Variants in UBAC2 observed in about 807,000 individuals in gnomAD.
UBAC2 encodes the protein ubiquitin-associated domain-containing protein 2.
Under a neutral mutation model 44.0 loss-of-function variants are expected in UBAC2, and 26 were observed. The observed-to-expected ratio is 0.59, with a 90% CI of 0.43 to 0.82. The LOEUF is 0.82. Among genes scored for constraint, UBAC2 ranks in the 40% least tolerant of loss-of-function variants. UBAC2 has a pLI of 0.00. For missense variants in UBAC2, 329 were observed against 419.4 expected (o/e 0.78, Z 1.88); for synonymous variants, 155 against 154.3 (o/e 1.00, Z -0.04).
chr13:99,300,969 A>ATGTT (rs1422525083), intron 4 of UBAC2, among the ~76,000 whole-genome samples: 2 of 152,226 alleles, frequency 1.3e-5, no homozygotes, highest in African/African-American at 2.4e-5. Flanking sequence ...AGCTTCTGAC[A>ATGTT]TGTTATTTAA....
chr13:99,241,080 A>G (rs1186594693), intron 2 of UBAC2, among the ~76,000 whole-genome samples: 1 of 152,016 alleles, frequency 6.6e-6, no homozygotes, highest in Non-Finnish European at 1.5e-5. Flanking sequence ...CCTGGGCAAC[A>G]TGGCAAAACA....
intron 1 of UBAC2, among the ~76,000 whole-genome samples, chr13:99,206,861 C>T (rs1433847810): frequency 1.3e-5 from 2 of 152,234 alleles, no homozygotes; most frequent in East Asian, 1.9e-4. Flanking sequence ...TCCAAAAAAT[C>T]GGGGCCATCA....
rs1436112510 is a variant in UBAC2 at position 99,374,206 on chromosome 13, GT to G, written c.927+6302del. Reference sequence around the variant, plus strand: ...AAAATAACTGATAGGTTAACATTGAGTTACTTCAGGTTGCTTTTTTTTTAAG... The same window carrying G: ...AAAATAACTGATAGGTTAACATTGAGTACTTCAGGTTGCTTTTTTTTTAAG... On this transcript the variant is annotated intron_variant, in intron 8 of 8. Transcript: ENST00000403766. Among the ~76,000 whole-genome samples, 3 of 152,180 alleles carry G rather than the reference GT, an allele frequency of 2.0e-5. No homozygotes were observed. In the East Asian group the frequency reaches 5.8e-4, roughly 29 times the overall value.
intron 4 of UBAC2, chr13:99,308,807 A>G (rs1281491499): frequency 6.6e-6 from 1 of 152,230 alleles, no homozygotes; most frequent in African/African-American, 2.4e-5. Flanking sequence ...GTATAAAATA[A>G]AGGTATTGAA....
chr13:99,248,149 T>C (rs893327109), intron 4 of UBAC2, among the ~76,000 whole-genome samples: 3 of 152,216 alleles, frequency 2.0e-5, no homozygotes, highest in African/African-American at 7.2e-5. Flanking sequence ...TGAACGTGTA[T>C]TGTTTGCTTC....
intron 4 of UBAC2, chr13:99,308,750 G>A (rs995287880): frequency 1.3e-5 from 2 of 152,202 alleles, no homozygotes; most frequent in African/African-American, 4.8e-5. Context: ...ACACAAGAAA[G>A]AGCATCAAGC....
chr13:99,341,378 T>G (rs2044883917), intron 7 of UBAC2, among the ~76,000 whole-genome samples: 1 of 95,394 alleles, frequency 1.0e-5, no homozygotes, highest in South Asian at 4.0e-4. Context: ...TTTGAGGTCC[T>G]TAGAGTCCCA....
chr13:99,232,485 G>A lies in UBAC2; in HGVS notation c.32-5942G>A, dbSNP rs776541076. On this transcript the variant is annotated intron_variant, in intron 1 of 8. Transcript: ENST00000403766. ...AATCTTCAAAGGTATCTTAAACTTCGCCCAGTGGGCTTAATAAGTAGTTTA... is the reference window on the plus strand; with the variant it reads ...AATCTTCAAAGGTATCTTAAACTTCACCCAGTGGGCTTAATAAGTAGTTTA... Among the ~76,000 whole-genome samples the A allele has an allele frequency of 1.8e-4, 27 of 147,570 alleles. 1 individual carries two copies. The highest frequency in any genetic ancestry group is 3.0e-4 in the Non-Finnish European group (20 of 66,724).
At chr13:99,281,717 T>C (rs1293581659) in intron 4 of UBAC2, among the ~76,000 whole-genome samples, 1 of 152,240 alleles carries the variant, frequency 6.6e-6, no homozygotes, top group African/African-American at 2.4e-5. Context: ...GAGGACTGAT[T>C]AGGAACTGAG....
chr13:99,210,401 T>G (rs1030879186), intron 1 of UBAC2, among the ~76,000 whole-genome samples: 1 of 152,174 alleles, frequency 6.6e-6, no homozygotes, highest in African/African-American at 2.4e-5. Context: ...TTTTCTTGCC[T>G]TTTTTCCACC....
At position 99,238,569 on chromosome 13, in the gene UBAC2, A is replaced by G. The variant is rs759664371; in HGVS notation, c.159+15A>G. ...ACGACTTCCAGGTAAGCTCTGCCTC[A>G]TTGGCCCCTGAGAGGAGAGCGGACA... On this transcript the variant is annotated intron_variant, in intron 2 of 8. Transcript: ENST00000403766. The G allele has an allele frequency of 1.9e-6, 3 of 1,588,378 alleles. No individual in the cohort carries two copies. The highest frequency in any genetic ancestry group is 2.6e-6 in the Non-Finnish European group (3 of 1,167,282).
chr13:99,231,580 T>G (rs189240307), intron 1 of UBAC2: 1 of 151,858 alleles, frequency 6.6e-6, no homozygotes, highest in Non-Finnish European at 1.5e-5. Context: ...CCAGCTACTT[T>G]TTATATTTTT....
intron 6 of UBAC2, among the ~76,000 whole-genome samples, chr13:99,329,157 T>TC (rs2044679608): frequency 6.6e-6 from 1 of 152,228 alleles, no homozygotes; most frequent in South Asian, 2.1e-4. Context: ...TATATGTCTG[T>TC]CCTTACGCCA....
intron 8 of UBAC2, among the ~76,000 whole-genome samples, chr13:99,379,960 C>A (rs921447887): frequency 6.6e-6 from 1 of 152,206 alleles, no homozygotes; most frequent in African/African-American, 2.4e-5. Context: ...TGGCCCCATG[C>A]AGGTCATTGT....
chr13:99,254,919 A>G (rs1443693039), intron 4 of UBAC2: 1 of 1,614,036 alleles, frequency 6.2e-7, no homozygotes, highest in South Asian at 1.1e-5. Context: ...ACCGTAGACT[A>G]CCAGATCGGA....
intron 6 of UBAC2, among the ~76,000 whole-genome samples, chr13:99,338,054 T>TTC (rs2044823614): frequency 1.3e-5 from 1 of 77,786 alleles, no homozygotes; most frequent in African/African-American, 4.6e-5. Context: ...TTTCTTTTTT[T>TTC]TTTTTTTTTT....
At chr13:99,286,575 G>C (rs2044021570) in intron 4 of UBAC2, among the ~76,000 whole-genome samples, 1 of 151,924 alleles carries the variant, frequency 6.6e-6, no homozygotes, top group Non-Finnish European at 1.5e-5. Context: ...TGTCACTCAG[G>C]CTTGGGGTAC....
At chr13:99,228,534 T>C (rs1031822417) in intron 1 of UBAC2, among the ~76,000 whole-genome samples, 17 of 152,198 alleles carry the variant, frequency 1.1e-4, no homozygotes, top group African/African-American at 3.4e-4. Context: ...CCTCAAGCGA[T>C]CTGCCCGACT....
At chr13:99,287,637 T>G (rs1039977906) in intron 4 of UBAC2, among the ~76,000 whole-genome samples, 1 of 103,232 alleles carries the variant, frequency 9.7e-6, no homozygotes, top group Non-Finnish European at 2.2e-5. Context: ...TCTTTTTTTT[T>G]TCTTTCTTTT....
Sources: allele counts gnomAD v4.1 joint callset (sites outside exome capture counted in the v4.1 genomes callset), GRCh38; gene constraint gnomAD v4.1.1; transcripts MANE v1.5; gene names NCBI Gene and HGNC (gene_info 2026-07-23, HGNC 2026-07-21).